Variants in OSBPL8 observed in about 807,000 individuals in gnomAD.
OSBPL8 encodes oxysterol-binding protein-related protein 8.
OSBPL8 carries 59 observed loss-of-function variants against 125.5 expected under a neutral mutation model. The ratio of observed to expected loss-of-function variants is 0.47; its 90% confidence interval spans 0.38 to 0.58. The LOEUF (loss-of-function observed/expected upper bound fraction) is 0.58. Ranked by LOEUF, OSBPL8 falls within the 20% of genes least tolerant of loss-of-function variation. OSBPL8 has a pLI of 0.00. For synonymous variants in OSBPL8, 330 were observed against 338.9 expected (o/e 0.97, Z 0.29); for missense variants, 758 against 1,047.8 (o/e 0.72, Z 3.82).
intron 2 of OSBPL8, among the ~76,000 whole-genome samples, chr12:76,481,920 T>C (rs1877543963): frequency 6.6e-6 from 1 of 152,218 alleles, no homozygotes. Flanking sequence ...GAATAAACTC[T>C]AATAACACAG....
intron 1 of OSBPL8, among the ~76,000 whole-genome samples, chr12:76,536,071 AT>A (rs917743203): frequency 1.3e-4 from 19 of 151,932 alleles, no homozygotes; most frequent in Middle Eastern, 3.4e-3. Context: ...TTTTTTTAGT[AT>A]TTTTTTTAAG....
At chr12:76,552,190 T>C (rs979622558) in intron 1 of OSBPL8, among the ~76,000 whole-genome samples, 1 of 151,934 alleles carries the variant, frequency 6.6e-6, no homozygotes, top group African/African-American at 2.4e-5. Flanking sequence ...TTTGGGAGGC[T>C]GAGGCGGGCA....
At chr12:76,541,234 T>C (rs1230879610) in intron 1 of OSBPL8, among the ~76,000 whole-genome samples, 1 of 152,180 alleles carries the variant, frequency 6.6e-6, no homozygotes, top group African/African-American at 2.4e-5. Flanking sequence ...ATCCCAGCAC[T>C]TTAGGAGGCC....
At chr12:76,555,511 T>C (rs1263930010) in intron 1 of OSBPL8, among the ~76,000 whole-genome samples, 2 of 152,232 alleles carry the variant, frequency 1.3e-5, no homozygotes, top group Non-Finnish European at 2.9e-5. Context: ...AATCAAAATA[T>C]GTTTTAAAGA....
intron 1 of OSBPL8, among the ~76,000 whole-genome samples, chr12:76,521,198 A>C (rs2137262252): frequency 6.6e-6 from 1 of 152,352 alleles, no homozygotes; most frequent in South Asian, 2.1e-4. Context: ...TTGGGTTTCC[A>C]CAACAGTCAA....
At chr12:76,404,504 G>A (rs1954175111) in intron 5 of OSBPL8, among the ~76,000 whole-genome samples, 1 of 151,990 alleles carries the variant, frequency 6.6e-6, no homozygotes, top group African/African-American at 2.4e-5. Flanking sequence ...GTTACACTGA[G>A]TGTACCTGCC....
chr12:76,534,747 T>C (rs1375804428), intron 1 of OSBPL8, among the ~76,000 whole-genome samples: 1 of 152,104 alleles, frequency 6.6e-6, no homozygotes, highest in East Asian at 1.9e-4. Flanking sequence ...TTTGGAAGAT[T>C]TACACTACCT....
At chr12:76,406,651 T>C (rs1359281328) in intron 5 of OSBPL8, among the ~76,000 whole-genome samples, 1 of 152,206 alleles carries the variant, frequency 6.6e-6, no homozygotes. Context: ...GGTCTCACTC[T>C]GTCACCCAGT....
intron 4 of OSBPL8, among the ~76,000 whole-genome samples, chr12:76,442,982 T>C (rs1007252996): frequency 6.6e-6 from 1 of 152,182 alleles, no homozygotes; most frequent in Non-Finnish European, 1.5e-5. Flanking sequence ...ATATTTTTAG[T>C]GCTGCTAGAG....
chr12:76,504,929 T>C (rs1312394260), intron 1 of OSBPL8, among the ~76,000 whole-genome samples: 2 of 152,188 alleles, frequency 1.3e-5, no homozygotes, highest in African/African-American at 2.4e-5. Flanking sequence ...TGGATCTCCT[T>C]CGTGGCTCTC....
At chr12:76,412,862 G>A (rs1277158562) in intron 4 of OSBPL8, among the ~76,000 whole-genome samples, 1 of 152,116 alleles carries the variant, frequency 6.6e-6, no homozygotes, top group Admixed American at 6.5e-5. Flanking sequence ...AGCCTCTCAA[G>A]ACGCAAGGCC....
intron 1 of OSBPL8, among the ~76,000 whole-genome samples, chr12:76,513,420 G>C (rs986577456): frequency 9.9e-5 from 15 of 152,246 alleles, no homozygotes; most frequent in African/African-American, 3.4e-4. Context: ...AAGGTGGAAA[G>C]TTCCATAGAG....
chr12:76,512,420 A>G (rs1273693992), intron 1 of OSBPL8, among the ~76,000 whole-genome samples: 1 of 152,188 alleles, frequency 6.6e-6, no homozygotes, highest in Non-Finnish European at 1.5e-5. Context: ...TGAACAGCCC[A>G]GCACAATTTA....
chr12:76,478,237 C>T (rs1429063803), intron 2 of OSBPL8, among the ~76,000 whole-genome samples: 2 of 152,034 alleles, frequency 1.3e-5, no homozygotes, highest in African/African-American at 4.8e-5. Flanking sequence ...CCTCCGGTAG[C>T]CACCAGAGCA....
chr12:76,377,588 T>C (rs1952877792), intron 16 of OSBPL8, among the ~76,000 whole-genome samples: 1 of 152,248 alleles, frequency 6.6e-6, no homozygotes, highest in South Asian at 2.1e-4. Context: ...TGTCTGTTCG[T>C]ATCCTTTGCC....
At chr12:76,443,918 T>G (rs748079210) in intron 4 of OSBPL8, among the ~76,000 whole-genome samples, 47 of 152,272 alleles carry the variant, frequency 3.1e-4, no homozygotes, top group Non-Finnish European at 5.6e-4. Flanking sequence ...TAAAATTATT[T>G]TAAAGTAAAC....
intron 4 of OSBPL8, among the ~76,000 whole-genome samples, chr12:76,427,438 T>A (rs1191644179): frequency 2.6e-5 from 4 of 151,950 alleles, no homozygotes; most frequent in Non-Finnish European, 5.9e-5. Flanking sequence ...TTCACATCTA[T>A]AATTAAAAGA....
chr12:76,499,940 A>C (rs1328888209), intron 1 of OSBPL8, among the ~76,000 whole-genome samples: 2 of 151,992 alleles, frequency 1.3e-5, no homozygotes, highest in Non-Finnish European at 2.9e-5. Flanking sequence ...TTTCTGTTCT[A>C]GTTGCCTCAA....
chr12:76,499,365 C>A (rs1173553699), intron 1 of OSBPL8, among the ~76,000 whole-genome samples: 3 of 128,970 alleles, frequency 2.3e-5, no homozygotes, highest in Non-Finnish European at 5.1e-5. Flanking sequence ...ATCTATCTAT[C>A]TAATCTATCT....
Sources: allele counts gnomAD v4.1 joint callset (sites outside exome capture counted in the v4.1 genomes callset), GRCh38; gene constraint gnomAD v4.1.1; transcripts MANE v1.5; gene names NCBI Gene and HGNC (gene_info 2026-07-23, HGNC 2026-07-21).